The following SLC36A1 variants were observed in gnomAD, a reference collection of about 807,000 sequenced individuals.
SLC36A1 encodes the protein proton-coupled amino acid transporter 1.
Under a neutral mutation model 47.5 loss-of-function variants are expected in SLC36A1, and 30 were observed. The observed-to-expected ratio is 0.63, with a 90% CI of 0.47 to 0.86. The LOEUF is 0.86. Ranked by LOEUF, SLC36A1 falls within the 40% of genes least tolerant of loss-of-function variation. The probability of loss-of-function intolerance (pLI) is 0.00; values close to 1 mark genes in which losing one functional copy is unlikely to be tolerated. For synonymous variants in SLC36A1, 255 were observed against 249.7 expected (o/e 1.02, Z -0.20); for missense variants, 517 against 606.0 (o/e 0.85, Z 1.54).
At chr5:151,514,122 C>G in the SLC36A1 span, among the ~76,000 whole-genome samples, 17 of 152,328 alleles carry the variant, frequency 1.1e-4, no homozygotes, top group African/African-American at 4.1e-4. Flanking sequence ...TAGACCACCT[C>G]TCAGATTTTT....
the SLC36A1 span, among the ~76,000 whole-genome samples, chr5:151,356,339 C>CAAAAAAAAAAAAAAAAAAAA: frequency 0.01 from 524 of 51,188 alleles, 29 homozygotes; most frequent in Non-Finnish European, 0.015. Flanking sequence ...CTCTGTCTCA[C>CAAAAAAAAAAAAAAAAAAAA]AAAAAAAAAA....
chr5:151,406,155 G>A, the SLC36A1 span, among the ~76,000 whole-genome samples: 1 of 152,144 alleles, frequency 6.6e-6, no homozygotes, highest in Non-Finnish European at 1.5e-5. Flanking sequence ...AAGGGCCCTG[G>A]CAGTTTGCAC....
At chr5:151,414,325 A>G in the SLC36A1 span, among the ~76,000 whole-genome samples, 22,119 of 140,242 alleles carry the variant, frequency 0.16, 2,076 homozygotes, top group East Asian at 0.38. Flanking sequence ...ATAAGGGCTC[A>G]GTGTTGGGAA....
At chr5:151,517,089 CAGAG>C in the SLC36A1 span, among the ~76,000 whole-genome samples, 1 of 140,924 alleles carries the variant, frequency 7.1e-6, no homozygotes, top group South Asian at 2.2e-4. Context: ...GCCTCGGTGA[CAGAG>C]AGAGACTCCA....
At chr5:151,421,367 G>T in the SLC36A1 span, among the ~76,000 whole-genome samples, 3 of 148,886 alleles carry the variant, frequency 2.0e-5, no homozygotes, top group Non-Finnish European at 4.5e-5. Flanking sequence ...TCAGCCTCCC[G>T]AGTAGCTGGA....
rs754798730 is a variant in SLC36A1 at position 151,479,437 on chromosome 5, CT to C, written c.1108del (p.Cys370ValfsTer3). On this transcript the variant is annotated frameshift_variant, in exon 10 of 11. Transcript: ENST00000243389. LOFTEE classifies it high-confidence loss of function. ...PFFVSRAPEH[C>X]ELVVDLFVRT... ...TCTTTGTGTCCCGAGCGCCCGAGCA[CT>C]GTGAGTTAGTGGTGGACCTGTTTGT... The C allele has an allele frequency of 2.4e-5, 38 of 1,614,086 alleles. No homozygotes were observed. The highest frequency in any genetic ancestry group is 3.1e-5 in the Non-Finnish European group (37 of 1,180,040).
chr5:151,463,745 G>A (rs1453176947), intron 3 of SLC36A1, 102 bp downstream of exon 3: 2 of 894,368 alleles, frequency 2.2e-6, no homozygotes, highest in African/African-American at 1.7e-5. Context: ...AAATAGAGAA[G>A]CATTTTAAAA....
chr5:151,527,479 A>T, the SLC36A1 span: 1 of 1,222,400 alleles, frequency 8.2e-7, no homozygotes, highest in South Asian at 1.7e-5. Context: ...AGAAGGAGAC[A>T]CTTTCCTATG....
the SLC36A1 span, chr5:151,507,630 CAG>C: frequency 6.2e-5 from 86 of 1,389,166 alleles, no homozygotes; most frequent in Non-Finnish European, 8.2e-5. Context: ...ACAGAGTAGT[CAG>C]GGGGCCAAGT....
At chr5:151,460,062 G>A (rs952069169) in intron 2 of SLC36A1, among the ~76,000 whole-genome samples, 3 of 152,212 alleles carry the variant, frequency 2.0e-5, no homozygotes, top group African/African-American at 7.2e-5. Context: ...GTGGGAGTTA[G>A]CTGGTGGTAG....
chr5:151,351,209 G>A, the SLC36A1 span, among the ~76,000 whole-genome samples: 2 of 152,246 alleles, frequency 1.3e-5, no homozygotes, highest in African/African-American at 2.4e-5. Context: ...CTGTCTCACC[G>A]ATTGGGAAAC....
the SLC36A1 span, chr5:151,549,457 T>C: frequency 6.2e-7 from 1 of 1,614,170 alleles, no homozygotes; most frequent in Non-Finnish European, 8.5e-7. Flanking sequence ...TCCACATGAA[T>C]GGTCACCCAC....
chr5:151,368,870 C>T, the SLC36A1 span, among the ~76,000 whole-genome samples: 1 of 152,218 alleles, frequency 6.6e-6, no homozygotes, highest in Non-Finnish European at 1.5e-5. Flanking sequence ...AGAGCTGCAA[C>T]AAAGGACTTC....
chr5:151,440,360 C>A (rs1752551005), intron 1 of SLC36A1, among the ~76,000 whole-genome samples: 1 of 151,896 alleles, frequency 6.6e-6, no homozygotes, highest in Admixed American at 6.6e-5. Context: ...GATACAAAAC[C>A]TGAGAATTTT....
chr5:151,394,431 T>C, the SLC36A1 span, among the ~76,000 whole-genome samples: 1 of 152,254 alleles, frequency 6.6e-6, no homozygotes, highest in Non-Finnish European at 1.5e-5. Context: ...TCCAGCTTTG[T>C]TCCATTGCTG....
chr5:151,532,404 CACA>C, the SLC36A1 span, among the ~76,000 whole-genome samples: 1 of 152,012 alleles, frequency 6.6e-6, no homozygotes, highest in Non-Finnish European at 1.5e-5. Flanking sequence ...CACACACACA[CACA>C]CACACACACA....
At chr5:151,547,689 A>G in the SLC36A1 span, among the ~76,000 whole-genome samples, 1 of 152,210 alleles carries the variant, frequency 6.6e-6, no homozygotes, top group East Asian at 1.9e-4. Context: ...AAGTGATTCC[A>G]TTAAAAGCAG....
At chr5:151,542,265 T>C in the SLC36A1 span, 2 of 1,566,610 alleles carry the variant, frequency 1.3e-6, no homozygotes, top group Non-Finnish European at 1.7e-6. Flanking sequence ...GAGCCTGCAG[T>C]CCATGACAGG....
chr5:151,524,960 T>C, the SLC36A1 span, among the ~76,000 whole-genome samples: 1 of 152,266 alleles, frequency 6.6e-6, no homozygotes, highest in Non-Finnish European at 1.5e-5. Flanking sequence ...GTAAAGATGT[T>C]ATTTCTTTCT....
Sources: allele counts gnomAD v4.1 joint callset (sites outside exome capture counted in the v4.1 genomes callset), GRCh38; gene constraint gnomAD v4.1.1; transcripts MANE v1.5; gene names NCBI Gene and HGNC (gene_info 2026-07-23, HGNC 2026-07-21).